Variants in FGF13 observed in about 807,000 individuals in gnomAD.
FGF13 encodes fibroblast growth factor homologous factor 2.
In FGF13, 2 loss-of-function variants were observed where a neutral mutation model predicts 19.5. The ratio of observed to expected loss-of-function variants is 0.10; its 90% CI spans 0.04 to 0.32. The LOEUF is 0.32. FGF13 is among the 10% of genes least tolerant of loss of function. The pLI, the probability that FGF13 is intolerant of heterozygous loss-of-function variation, is 1.00. For synonymous variants in FGF13, 72 were observed against 76.9 expected, an observed-to-expected ratio of 0.94 and a Z score of 0.33; for missense variants, 113 against 192.7, an observed-to-expected ratio of 0.59 and a Z score of 2.45.
At position 138,961,321 on chromosome X, in the gene FGF13, G is replaced by A. The variant is rs1229289876; in HGVS notation, c.-112-96671C>T. ...TGGAGGTCCACTCCAGACCCTGTTT[G>A]CCTAGGTATCACCAGCGGAGGCTGC... On this transcript the variant is annotated intron_variant, in intron 1 of 2. Transcript: ENST00000421460. Among the ~76,000 whole-genome samples the A allele has an allele frequency of 2.7e-5, 3 of 111,735 alleles. No individual in the cohort carries two copies. The East Asian group carries it at 8.5e-4, about 32-fold the overall frequency.
intron 3 of FGF13, among the ~76,000 whole-genome samples, chrX:138,767,501 G>C (rs746546377): frequency 2.7e-5 from 3 of 111,596 alleles, no homozygotes; most frequent in Non-Finnish European, 1.9e-5. Context: ...CAATACTTTA[G>C]TCTGGTTCTG....
chrX:138,676,010 G>A (rs1331602647), intron 3 of FGF13, among the ~76,000 whole-genome samples: 10 of 111,311 alleles, frequency 9.0e-5, no homozygotes, highest in Non-Finnish European at 1.9e-4. Flanking sequence ...TTTGCATTTC[G>A]CAGTAATTCA....
intron 1 of FGF13, among the ~76,000 whole-genome samples, chrX:138,727,685 C>T (rs2090196059): frequency 1.8e-5 from 2 of 110,924 alleles, no homozygotes; most frequent in Admixed American, 9.6e-5. Context: ...GAAAATATAC[C>T]TAGGAAAAAC....
At chrX:138,996,375 C>T (rs1035971461) in intron 1 of FGF13, among the ~76,000 whole-genome samples, 1 of 112,874 alleles carries the variant, frequency 8.9e-6, no homozygotes, top group Non-Finnish European at 1.9e-5. Flanking sequence ...CAGGAGATTC[C>T]CTCCAGTGCC....
At chrX:138,758,836 A>G (rs1232606204) in intron 3 of FGF13, among the ~76,000 whole-genome samples, 1 of 112,314 alleles carries the variant, frequency 8.9e-6, no homozygotes, top group African/African-American at 3.2e-5. Flanking sequence ...CAGCTCCACA[A>G]TCAATTATTT....
intron 1 of FGF13, among the ~76,000 whole-genome samples, chrX:138,915,717 C>T (rs1240179839): frequency 1.8e-5 from 2 of 111,637 alleles, no homozygotes; most frequent in African/African-American, 6.5e-5. Flanking sequence ...TTTTATACCC[C>T]CTCTTCAGAG....
At chrX:138,646,507 A>G (rs5929939) in intron 3 of FGF13, among the ~76,000 whole-genome samples, 9,867 of 111,320 alleles carry the variant, frequency 0.089, 347 homozygotes, top group Middle Eastern at 0.14. Context: ...CAGGCAGCCT[A>G]TCCCCTAGGC....
intron 1 of FGF13, among the ~76,000 whole-genome samples, chrX:138,993,326 T>C (rs1306852362): frequency 8.9e-6 from 1 of 111,817 alleles, no homozygotes; most frequent in African/African-American, 3.3e-5. Context: ...TCAATAATTA[T>C]ACTATGGGAA....
At chrX:138,860,712 CT>C (rs1489724850) in intron 2 of FGF13, among the ~76,000 whole-genome samples, 3 of 112,320 alleles carry the variant, frequency 2.7e-5, no homozygotes, top group Non-Finnish European at 5.6e-5. Context: ...AGAAATTCAA[CT>C]TGACTCTTCA....
intron 1 of FGF13, among the ~76,000 whole-genome samples, chrX:139,046,629 C>A (rs1319221151): frequency 9.0e-6 from 1 of 111,189 alleles, no homozygotes; most frequent in Non-Finnish European, 1.9e-5. Context: ...CACTATAGAT[C>A]TAAAACCAAA....
intron 1 of FGF13, among the ~76,000 whole-genome samples, chrX:139,099,377 CAAA>C (rs59882808): frequency 0.011 from 367 of 32,957 alleles, 1 homozygote; most frequent in African/African-American, 0.038. Flanking sequence ...GTTTCTATCT[CAAA>C]AAAAAAAAAA....
intron 3 of FGF13, among the ~76,000 whole-genome samples, chrX:138,814,119 G>T (rs1259745176): frequency 9.0e-6 from 1 of 110,628 alleles, no homozygotes; most frequent in Non-Finnish European, 1.9e-5. Flanking sequence ...GACATTTCTT[G>T]TTTTTTGATA....
chrX:139,132,984 C>T (rs1025771242), intron 1 of FGF13, among the ~76,000 whole-genome samples: 1 of 111,117 alleles, frequency 9.0e-6, no homozygotes, highest in Admixed American at 9.6e-5. Context: ...AATGTATATC[C>T]ACTGGGTATT....
At position 138,711,476 on chromosome X, in the gene FGF13, CGGACGGA is replaced by C; in HGVS notation, c.-480_-474del. On this transcript the variant is annotated 5_prime_UTR_variant, in exon 1 of 5. Transcript: ENST00000315930. ...GAGAGAGGCCGGGAGCTCGGGCGGCCGGACGGAGGAGGGACGAGGCAGCGCGCGGGGG... is the reference window on the plus strand; with the variant it reads ...GAGAGAGGCCGGGAGCTCGGGCGGCCGGAGGGACGAGGCAGCGCGCGGGGG... 1.8e-5 allele frequency: 13 copies of C among 734,882 alleles called. No homozygotes were observed. The highest frequency in any genetic ancestry group is 7.0e-5 in the South Asian group (1 of 14,373). 60.6% of individuals were successfully genotyped at this position (734,882 alleles called of 1,213,427 possible).
At chrX:139,106,373 T>C (rs1332584793) in intron 1 of FGF13, among the ~76,000 whole-genome samples, 1 of 113,008 alleles carries the variant, frequency 8.8e-6, no homozygotes. Flanking sequence ...GTGTTACTCT[T>C]GTCACTATAC....
At chrX:138,833,661 A>G (rs1393023607) in intron 3 of FGF13, among the ~76,000 whole-genome samples, 1 of 111,171 alleles carries the variant, frequency 9.0e-6, no homozygotes, top group African/African-American at 3.3e-5. Flanking sequence ...TTCTCTCTTC[A>G]CTGATTGCTC....
At chrX:139,154,377 G>A (rs1057321015) in intron 1 of FGF13, among the ~76,000 whole-genome samples, 1 of 111,600 alleles carries the variant, frequency 9.0e-6, no homozygotes, top group African/African-American at 3.3e-5. Flanking sequence ...CTGATGAAGC[G>A]ATGGATTGAC....
chrX:138,675,626 CT>C (rs920351148), intron 3 of FGF13, among the ~76,000 whole-genome samples: 2 of 110,645 alleles, frequency 1.8e-5, no homozygotes, highest in African/African-American at 3.3e-5. Context: ...CATATTTATT[CT>C]ATTTTGATTT....
chrX:138,639,571 T>C (rs1393761779), intron 3 of FGF13, among the ~76,000 whole-genome samples: 2 of 112,418 alleles, frequency 1.8e-5, no homozygotes, highest in African/African-American at 6.5e-5. Flanking sequence ...CATATCTATG[T>C]TTTTTCAGAA....
Sources: allele counts gnomAD v4.1 joint callset (sites outside exome capture counted in the v4.1 genomes callset), GRCh38; gene constraint gnomAD v4.1.1; transcripts MANE v1.5; gene names NCBI Gene and HGNC (gene_info 2026-07-23, HGNC 2026-07-21).